MRPS6: variants seen among roughly 807,000 people sequenced by gnomAD.
MRPS6 encodes the protein small ribosomal subunit protein bS6m.
Under a neutral mutation model 13.1 loss-of-function variants are expected in MRPS6, and 6 were observed. That is an observed-to-expected ratio of 0.46 (90% confidence interval 0.25 to 0.91). The LOEUF (loss-of-function observed/expected upper bound fraction) is 0.91. Ranked by LOEUF, MRPS6 falls within the 40% of genes least tolerant of loss-of-function variation. The pLI is 0.18. For missense variants in MRPS6, 164 were observed against 155.6 expected, an observed-to-expected ratio of 1.05 and a Z score of -0.29; for synonymous variants, 61 against 56.5, an observed-to-expected ratio of 1.08 and a Z score of -0.36.
At chr21:34,094,072 C>T (rs1006157696) in intron 1 of MRPS6, among the ~76,000 whole-genome samples, 2 of 152,176 alleles carry the variant, frequency 1.3e-5, no homozygotes, top group African/African-American at 4.8e-5. Flanking sequence ...TTTGGAAATA[C>T]TGCCTGATGA....
At chr21:34,104,017 T>A in intron 1 of MRPS6, 1 of 1,000,188 alleles carries the variant, frequency 1.0e-6, no homozygotes, top group Non-Finnish European at 1.2e-6. Flanking sequence ...TATTACCTCT[T>A]AACAGTGCCC....
chr21:34,137,782 A>ATT (rs3989178), intron 2 of MRPS6, among the ~76,000 whole-genome samples: 3,634 of 145,330 alleles, frequency 0.025, 155 homozygotes, highest in African/African-American at 0.085. Context: ...GTTTGCTGAG[A>ATT]TTTTTTTTTT....
chr21:34,077,477 G>A (rs535668441), intron 1 of MRPS6, among the ~76,000 whole-genome samples: 2 of 152,228 alleles, frequency 1.3e-5, no homozygotes, highest in East Asian at 1.9e-4. Flanking sequence ...TCTCATTGGC[G>A]TTCAGGAATT....
At chr21:34,130,213 G>A (rs1228794597) in intron 2 of MRPS6, among the ~76,000 whole-genome samples, 2 of 152,008 alleles carry the variant, frequency 1.3e-5, no homozygotes, top group Non-Finnish European at 2.9e-5. Flanking sequence ...GACAAAGAAT[G>A]TAACTCAAAT....
chr21:34,118,790 C>T (rs985235175), intron 1 of MRPS6, among the ~76,000 whole-genome samples: 1 of 152,102 alleles, frequency 6.6e-6, no homozygotes, highest in Admixed American at 6.5e-5. Flanking sequence ...GCTGGGATTA[C>T]AGGAAAGAAC....
intron 1 of MRPS6, chr21:34,100,023 A>G (rs1979162514): frequency 1.1e-6 from 1 of 890,020 alleles, no homozygotes; most frequent in Non-Finnish European, 1.4e-6. Flanking sequence ...TTCATACTTT[A>G]CACTGACTAA....
intron 1 of MRPS6, among the ~76,000 whole-genome samples, chr21:34,094,253 A>G (rs1416671431): frequency 1.3e-5 from 2 of 152,192 alleles, no homozygotes; most frequent in East Asian, 3.9e-4. Context: ...CACAAGATCT[A>G]GGTTACTGTA....
intron 1 of MRPS6, among the ~76,000 whole-genome samples, chr21:34,084,682 A>T (rs1490620336): frequency 6.6e-6 from 1 of 152,246 alleles, no homozygotes; most frequent in Non-Finnish European, 1.5e-5. Flanking sequence ...ATTAAAACAC[A>T]GACTTGGTCA....
chr21:34,086,831 G>A (rs1367425932), intron 1 of MRPS6, among the ~76,000 whole-genome samples: 29 of 172 alleles, frequency 0.17, no homozygotes, highest in Admixed American at 0.25. Flanking sequence ...TGGAGAGGTG[G>A]AAGAGGATTC....
intron 1 of MRPS6, chr21:34,098,102 A>G (rs2148660214): frequency 1.0e-6 from 1 of 999,140 alleles, no homozygotes; most frequent in African/African-American, 1.7e-5. Context: ...ATTATGGGGG[A>G]GAAAATGAAG....
chr21:34,097,251 T>TA (rs1323054289), intron 1 of MRPS6: 1 of 1,614,066 alleles, frequency 6.2e-7, no homozygotes, highest in African/African-American at 1.3e-5. Flanking sequence ...GGCTGTTTGT[T>TA]TACAGATGCT....
intron 1 of MRPS6, chr21:34,100,334 C>A (rs1979176774): frequency 3.0e-6 from 3 of 999,966 alleles, no homozygotes; most frequent in Non-Finnish European, 3.6e-6. Flanking sequence ...CTCTAATTTC[C>A]CTGGTCATCT....
chr21:34,131,019 C>G (rs1232770375), intron 2 of MRPS6, among the ~76,000 whole-genome samples: 1 of 152,194 alleles, frequency 6.6e-6, no homozygotes, highest in African/African-American at 2.4e-5. Context: ...GTCACTTGTG[C>G]CATGTAGCAC....
At chr21:34,111,587 T>G (rs1979701945) in intron 1 of MRPS6, among the ~76,000 whole-genome samples, 2 of 152,348 alleles carry the variant, frequency 1.3e-5, no homozygotes, top group South Asian at 4.1e-4. Context: ...ATCTTGCTCT[T>G]CTGTTTTTTC....
intron 1 of MRPS6, among the ~76,000 whole-genome samples, chr21:34,076,713 T>A (rs1434160416): frequency 6.6e-6 from 1 of 152,220 alleles, no homozygotes; most frequent in East Asian, 1.9e-4. Flanking sequence ...TTCTGAAATA[T>A]GACGGTAAAG....
intron 2 of MRPS6, among the ~76,000 whole-genome samples, chr21:34,129,372 G>A (rs1980421006): frequency 1.3e-5 from 2 of 152,294 alleles, no homozygotes; most frequent in South Asian, 2.1e-4. Context: ...GTAAAAGGAT[G>A]CCTCTGCTCT....
intron 2 of MRPS6, chr21:34,135,471 C>T: frequency 2.0e-6 from 1 of 494,216 alleles, no homozygotes; most frequent in South Asian, 1.5e-5. Context: ...GCTCATCCTT[C>T]TTCTTGATGG....
At chr21:34,095,792 A>G (rs376504816) in intron 1 of MRPS6, 39 of 1,613,862 alleles carry the variant, frequency 2.4e-5, no homozygotes, top group Non-Finnish European at 3.1e-5. Context: ...GGGCACTTAC[A>G]CTTATGATTA....
intron 1 of MRPS6, among the ~76,000 whole-genome samples, chr21:34,074,023 C>T (rs1248824173): frequency 6.8e-6 from 1 of 146,750 alleles, no homozygotes; most frequent in Non-Finnish European, 1.5e-5. Context: ...GGGGGCGGGG[C>T]GGACCGAGCG....
Sources: allele counts gnomAD v4.1 joint callset (sites outside exome capture counted in the v4.1 genomes callset), GRCh38; gene constraint gnomAD v4.1.1; transcripts MANE v1.5; gene names NCBI Gene and HGNC (gene_info 2026-07-23, HGNC 2026-07-21).